UNC13C: variants seen among roughly 807,000 people sequenced by gnomAD.
UNC13C encodes unc-13 homolog C.
Under a neutral mutation model 245.4 loss-of-function variants are expected in UNC13C, and 174 were observed. The ratio of observed to expected loss-of-function variants is 0.71; its 90% CI spans 0.63 to 0.80. UNC13C has a LOEUF of 0.80. Ranked by LOEUF, UNC13C falls within the 30% of genes least tolerant of loss-of-function variation. The pLI is 0.00. For missense variants in UNC13C, 2,829 were observed against 2,602.9 expected (o/e 1.09, Z -1.89); for synonymous variants, 992 against 895.1 (o/e 1.11, Z -1.93).
intron 1 of UNC13C, among the ~76,000 whole-genome samples, chr15:53,998,850 G>A (rs78406891): frequency 0.016 from 2,501 of 151,878 alleles, 23 homozygotes; most frequent in South Asian, 0.047. Flanking sequence ...TTCTTTACAT[G>A]TACATAAGTG....
Position 54,013,001 on chromosome 15 carries a change from A to G in UNC13C, c.98A>G (p.Lys33Arg). ...TKKLGNTNKNKEYRQQKKDQD... is the reference protein window; with the variant it reads ...TKKLGNTNKNREYRQQKKDQD... ...AAATTGGGAAATACAAACAAAAACAAAGAGTATCGTCAGCAGAAAAAGGAT... is the reference window on the plus strand; with the variant it reads ...AAATTGGGAAATACAAACAAAAACAGAGAGTATCGTCAGCAGAAAAAGGAT... The change falls in exon 2 of 33, where the codon AAA becomes AGA. Residue 33 changes from lysine (K) to arginine (R), a missense_variant. Coordinates refer to ENST00000260323, the MANE Select transcript of UNC13C (RefSeq NM_001080534.3). The G allele has an allele frequency of 6.2e-7, 1 of 1,613,880 alleles. No individual in the cohort carries two copies. The highest frequency in any genetic ancestry group is 8.5e-7 in the Non-Finnish European group (1 of 1,179,802).
At chr15:54,254,333 T>G (rs2036225813) in intron 8 of UNC13C, among the ~76,000 whole-genome samples, 1 of 152,224 alleles carries the variant, frequency 6.6e-6, no homozygotes, top group East Asian at 1.9e-4. Flanking sequence ...AATACATAAC[T>G]TAGATGAACA....
chr15:54,174,849 A>C, intron 4 of UNC13C, among the ~76,000 whole-genome samples: 1 of 152,112 alleles, frequency 6.6e-6, no homozygotes, highest in Non-Finnish European at 1.5e-5. Flanking sequence ...GAATGGAGAT[A>C]CTCCTCTTGA....
At position 54,478,367 on chromosome 15, in the gene UNC13C, TG is replaced by T. The variant is rs763025225; in HGVS notation, c.4934-16240del. On this transcript the variant is annotated intron_variant, in intron 19 of 32. Coordinates refer to ENST00000260323, the MANE Select transcript of UNC13C (RefSeq NM_001080534.3). Reference sequence around the variant, plus strand: ...CCTTCTGCTAGCTTTTGAATTTGTTTGTTCTTGCTTTTCTAGTCCTTTTAAT... The same window carrying T: ...CCTTCTGCTAGCTTTTGAATTTGTTTTTCTTGCTTTTCTAGTCCTTTTAAT... 4.1e-5 allele frequency among the ~76,000 whole-genome samples: 5 copies of T among 122,456 alleles called. 2 individuals are homozygous for T. The East Asian group carries it at 1.6e-3, about 40-fold the overall frequency. The allele number at this position is 122,456 out of a possible 152,430, so 80.3% of individuals were successfully genotyped here. A position where few individuals can be genotyped will look rare whatever the true frequency, so the allele number is the denominator to read the frequency against.
chr15:54,593,677 A>C (rs1050358490), intron 30 of UNC13C, among the ~76,000 whole-genome samples: 1 of 152,004 alleles, frequency 6.6e-6, no homozygotes, highest in African/African-American at 2.4e-5. Flanking sequence ...AGTTTCCTGA[A>C]TTTCTTATTG....
intron 19 of UNC13C, among the ~76,000 whole-genome samples, chr15:54,428,621 A>G (rs1384343242): frequency 6.6e-6 from 1 of 151,426 alleles, no homozygotes; most frequent in Non-Finnish European, 1.5e-5. Context: ...TGTGTTGTCT[A>G]CTGTTATAAC....
chr15:54,408,199 C>CAAAAAAAAAAAAAAAAAAAAAAA lies in UNC13C; in HGVS notation c.4848-6775_4848-6753dup, dbSNP rs71105808. ...TGGGTGACAGAGTGAGACTCTGCCTCAAAAAAAAAAAAAAAAAAAAAAAAA... is the reference window on the plus strand; with the variant it reads ...TGGGTGACAGAGTGAGACTCTGCCTCAAAAAAAAAAAAAAAAAAAAAAAAAAAAAAAAAAAAAAAAAAAAAAAA... On this transcript the variant is annotated intron_variant, in intron 18 of 32. Coordinates refer to ENST00000260323, the MANE Select transcript of UNC13C (RefSeq NM_001080534.3). Among the ~76,000 whole-genome samples the CAAAAAAAAAAAAAAAAAAAAAAA allele has an allele frequency of 3.1e-4, 9 of 29,126 alleles. 2 individuals are homozygous for CAAAAAAAAAAAAAAAAAAAAAAA. The highest frequency in any genetic ancestry group is 7.9e-4 in the African/African-American group (9 of 11,330). The allele number at this position is 29,126 out of a possible 152,430, so 19.1% of individuals were successfully genotyped here.
At chr15:54,536,412 G>A (rs560915426) in intron 26 of UNC13C, among the ~76,000 whole-genome samples, 1 of 151,974 alleles carries the variant, frequency 6.6e-6, no homozygotes, top group Non-Finnish European at 1.5e-5. Context: ...GCGTAAAAAA[G>A]AGCTAGTACC....
the UNC13C span, among the ~76,000 whole-genome samples, chr15:53,847,767 C>G: frequency 1.0e-3 from 158 of 151,996 alleles, no homozygotes; most frequent in Admixed American, 3.6e-3. Context: ...GAACAAATAC[C>G]AAAGATGAAA....
At chr15:53,908,983 T>C in the UNC13C span, among the ~76,000 whole-genome samples, 1 of 146,352 alleles carries the variant, frequency 6.8e-6, no homozygotes, top group South Asian at 2.3e-4. Context: ...CATTTGTATA[T>C]GTGGTTTGTT....
chr15:54,403,156 C>T (rs1200680677), intron 18 of UNC13C, among the ~76,000 whole-genome samples: 1 of 152,230 alleles, frequency 6.6e-6, no homozygotes, highest in South Asian at 2.1e-4. Context: ...TTACCCCATG[C>T]ACATCACACA....
At chr15:54,345,394 C>G (rs1179649272) in intron 17 of UNC13C, among the ~76,000 whole-genome samples, 1 of 152,276 alleles carries the variant, frequency 6.6e-6, no homozygotes, top group South Asian at 2.1e-4. Flanking sequence ...CTTGCACTTA[C>G]TCTGGGTCAT....
intron 18 of UNC13C, among the ~76,000 whole-genome samples, chr15:54,409,268 A>AATGTT (rs2040369326): frequency 6.6e-6 from 1 of 150,788 alleles, no homozygotes; most frequent in African/African-American, 2.4e-5. Context: ...ACATGTTAAT[A>AATGTT]ATATGTTCCT....
chr15:54,015,687 T>C lies in UNC13C; in HGVS notation c.2784T>C (p.Asp928=). ...AGGGTTATGATGGTCCAGCAGATGA[T>C]ATGGTTAGTGAAGAGGGGTTAGAAC... is the stretch of plus-strand genomic sequence containing the variant. ...QDEGYDGPAD[D]MVSEEGLEPL... Residue 928 remains aspartate, a synonymous_variant, in exon 2 of 33, where the codon GAT becomes GAC. Coordinates refer to ENST00000260323, the MANE Select transcript of UNC13C (RefSeq NM_001080534.3). 1 of 1,613,630 alleles carries C rather than the reference T, an allele frequency of 6.2e-7. No homozygotes were observed. Among genetic ancestry groups the C allele is most frequent in the Non-Finnish European group, 8.5e-7 (1 of 1,179,764 alleles).
chr15:54,076,889 G>A (rs1196628075), intron 2 of UNC13C, among the ~76,000 whole-genome samples: 2 of 152,132 alleles, frequency 1.3e-5, no homozygotes, highest in African/African-American at 4.8e-5. Context: ...TTATCAGATT[G>A]ATTTAGAGAA....
intron 4 of UNC13C, among the ~76,000 whole-genome samples, chr15:54,176,664 T>C (rs1415177509): frequency 6.6e-6 from 1 of 152,154 alleles, no homozygotes; most frequent in Non-Finnish European, 1.5e-5. Context: ...ATAGACTCAA[T>C]ACTTTTTATG....
At chr15:54,442,839 G>C (rs1382087296) in intron 19 of UNC13C, among the ~76,000 whole-genome samples, 3 of 151,926 alleles carry the variant, frequency 2.0e-5, no homozygotes, top group African/African-American at 7.2e-5. Context: ...GAGGACTTTT[G>C]TATCTATGTT....
chr15:53,943,559 C>A, the UNC13C span, among the ~76,000 whole-genome samples: 2 of 152,124 alleles, frequency 1.3e-5, no homozygotes, highest in Non-Finnish European at 2.9e-5. Flanking sequence ...CTGTGATAAG[C>A]AGATGTCTCT....
At chr15:53,911,681 G>A in the UNC13C span, 1 of 152,238 alleles carries the variant, frequency 6.6e-6, no homozygotes, top group Non-Finnish European at 1.5e-5. Context: ...GCTGACGGCA[G>A]CCATACGGAC....
Sources: allele counts gnomAD v4.1 joint callset (sites outside exome capture counted in the v4.1 genomes callset), GRCh38; gene constraint gnomAD v4.1.1; transcripts MANE v1.5; gene names NCBI Gene and HGNC (gene_info 2026-07-23, HGNC 2026-07-21).